Variants in LCP1 observed in about 807,000 individuals in gnomAD.
LCP1 encodes the protein plastin-2.
LCP1 carries 23 observed loss-of-function variants against 72.0 expected under a neutral mutation model. That is an observed-to-expected ratio of 0.32 (90% CI 0.23 to 0.45). LCP1 has a LOEUF of 0.45. Ranked by LOEUF, LCP1 falls within the 20% of genes least tolerant of loss-of-function variation. The pLI is 1.00. For missense variants in LCP1, 571 were observed against 748.3 expected (o/e 0.76, Z 2.76); for synonymous variants, 245 against 275.4 (o/e 0.89, Z 1.09).
At chr13:46,135,354 C>G (rs2045658672) in intron 13 of LCP1, among the ~76,000 whole-genome samples, 1 of 152,136 alleles carries the variant, frequency 6.6e-6, no homozygotes, top group Non-Finnish European at 1.5e-5. Flanking sequence ...AATCCTGTGA[C>G]TGAATCTCAT....
At position 46,148,673 on chromosome 13, in the gene LCP1, A is replaced by T. The variant is rs555146226; in HGVS notation, c.883-226T>A. On this transcript the variant is annotated intron_variant, in intron 8 of 15. Transcript: ENST00000323076. ...GGAGCGTAACAATAAAATAGACAAG[A>T]TATACACAAAAGGCACCCTAAAGAA... The T allele has an allele frequency of 2.7e-5, 13 of 488,440 alleles. No individual in the cohort carries two copies. The South Asian group carries it at 3.4e-4, about 13-fold the overall frequency. 30.3% of individuals were successfully genotyped at this position (488,440 alleles called of 1,614,324 possible). A position where few individuals can be genotyped will look rare whatever the true frequency, so the allele number is the denominator to read the frequency against.
At chr13:46,178,909 T>A (rs1230960936) in intron 1 of LCP1, among the ~76,000 whole-genome samples, 4 of 152,214 alleles carry the variant, frequency 2.6e-5, no homozygotes, top group Non-Finnish European at 5.9e-5. Flanking sequence ...AAGCTGATTT[T>A]AAAAGTTGCT....
rs1263121132 is a variant in LCP1 at position 46,146,889 on chromosome 13, G to C, written c.1174+19C>G. On this transcript the variant is annotated intron_variant, in intron 10 of 15. Transcript: ENST00000323076. ...TTGTGAGTGCCTTTCCCCATCTTAG[G>C]CAAATCGTTTACAGTTACCTTCAAG... 1 of 1,612,972 alleles carries C rather than the reference G, an allele frequency of 6.2e-7. No individual in the cohort carries two copies. Among genetic ancestry groups the C allele is most frequent in the African/African-American group, 1.3e-5 (1 of 74,840 alleles).
chr13:46,163,066 G>A (rs937863060), intron 1 of LCP1, among the ~76,000 whole-genome samples: 29 of 151,310 alleles, frequency 1.9e-4, no homozygotes, highest in African/African-American at 5.6e-4. Flanking sequence ...GGTGGGGGGC[G>A]CCTCTGCCCT....
In LCP1 at chr13:46,130,954, G is replaced by A. The variant is rs2045630441; in HGVS notation, c.1627-16C>T. ...TCTTCGGGTCCTATGCAGAGACACA[G>A]GGAGGGTTTCATCAACGTGTCCCAA... On this transcript the variant is annotated splice_polypyrimidine_tract_variant and intron_variant, in intron 14 of 15. Coordinates refer to ENST00000323076, the MANE Select transcript of LCP1 (RefSeq NM_002298.5). 1 of 1,568,360 alleles carries A rather than the reference G, an allele frequency of 6.4e-7. No individual in the cohort carries two copies. Among genetic ancestry groups the A allele is most frequent in the Non-Finnish European group, 8.6e-7 (1 of 1,162,898 alleles).
chr13:46,180,892 T>C (rs1414448335), intron 1 of LCP1, among the ~76,000 whole-genome samples: 1 of 152,246 alleles, frequency 6.6e-6, no homozygotes, highest in Non-Finnish European at 1.5e-5. Context: ...TATCTCAGTT[T>C]CACATTTTTG....
intron 1 of LCP1, among the ~76,000 whole-genome samples, chr13:46,174,185 G>C (rs1283543733): frequency 6.6e-6 from 1 of 152,074 alleles, no homozygotes; most frequent in Non-Finnish European, 1.5e-5. Flanking sequence ...TTCTCAATAG[G>C]CTTCTTGGAT....
intron 1 of LCP1, among the ~76,000 whole-genome samples, chr13:46,167,680 T>G (rs989029602): frequency 2.0e-5 from 3 of 151,962 alleles, no homozygotes; most frequent in African/African-American, 7.3e-5. Flanking sequence ...TTCAATAAAT[T>G]GAATATTATG....
At chr13:46,157,700 G>A (rs188405494) in intron 4 of LCP1, among the ~76,000 whole-genome samples, 23 of 142,488 alleles carry the variant, frequency 1.6e-4, no homozygotes, top group Admixed American at 1.1e-3. Flanking sequence ...AAGGCCAAAC[G>A]TTGTCTTAGC....
chr13:46,138,663 C>G (rs1450355091), intron 13 of LCP1, among the ~76,000 whole-genome samples: 1 of 152,002 alleles, frequency 6.6e-6, no homozygotes, highest in African/African-American at 2.4e-5. Context: ...TTGTTTTTTT[C>G]TGAGACAGAG....
At chr13:46,135,157 GAGA>G (rs1226768980) in intron 13 of LCP1, among the ~76,000 whole-genome samples, 5 of 150,464 alleles carry the variant, frequency 3.3e-5, no homozygotes, top group Admixed American at 2.0e-4. Flanking sequence ...CTCTGGAGCA[GAGA>G]AGAACCACCA....
At chr13:46,144,403 CTCTA>C in intron 11 of LCP1, 35 bp downstream of exon 11, 1 of 1,461,454 alleles carries the variant, frequency 6.8e-7, no homozygotes, top group Non-Finnish European at 9.6e-7. Context: ...CTTTTGAGGT[CTCTA>C]TCTTACATTA....
intron 2 of LCP1, 55 bp downstream of exon 2, chr13:46,159,544 G>GA: frequency 7.2e-7 from 1 of 1,398,522 alleles, no homozygotes; most frequent in Non-Finnish European, 1.0e-6. Flanking sequence ...AATCTACCCT[G>GA]AAGCTACTCA....
intron 1 of LCP1, among the ~76,000 whole-genome samples, chr13:46,180,291 C>T (rs537641827): frequency 7.9e-5 from 12 of 152,284 alleles, no homozygotes; most frequent in South Asian, 2.1e-4. Flanking sequence ...GCTTACACTA[C>T]GTGCTCATAA....
At chr13:46,171,387 T>A (rs530765512) in intron 1 of LCP1, among the ~76,000 whole-genome samples, 3 of 152,298 alleles carry the variant, frequency 2.0e-5, no homozygotes, top group African/African-American at 7.2e-5. Context: ...AAACACATAT[T>A]TCTGCAAGGT....
At position 46,127,319 on chromosome 13, in the gene LCP1, T is replaced by C; in HGVS notation, c.*272A>G. 2.8e-6 allele frequency: 1 copy of C among 355,508 alleles called. No individual in the cohort carries two copies. The highest frequency in any genetic ancestry group is 5.1e-6 in the Non-Finnish European group (1 of 196,770). The allele number at this position is 355,508 out of a possible 1,614,324, so 22.0% of individuals were successfully genotyped here. ...TAATGGCAAAAGCGAGAAGGGTACC[T>C]GGAAAATAACTTCTTTCTTTTCCTC... is the stretch of plus-strand genomic sequence containing the variant. On this transcript the variant is annotated 3_prime_UTR_variant, in exon 16 of 16. Coordinates refer to ENST00000323076, the MANE Select transcript of LCP1 (RefSeq NM_002298.5).
chr13:46,135,342 A>G (rs1328781521), intron 13 of LCP1, among the ~76,000 whole-genome samples: 1 of 152,122 alleles, frequency 6.6e-6, no homozygotes, highest in Non-Finnish European at 1.5e-5. Flanking sequence ...CTGAAACTCA[A>G]GAATCCTGTG....
intron 4 of LCP1, among the ~76,000 whole-genome samples, chr13:46,157,352 T>A (rs2045809274): frequency 6.6e-6 from 1 of 152,198 alleles, no homozygotes; most frequent in African/African-American, 2.4e-5. Context: ...AAATGTTGGA[T>A]CACTGTGGAC....
At chr13:46,158,756 G>T (rs1051342979) in intron 3 of LCP1, 70 bp downstream of exon 3, 1 of 1,600,726 alleles carries the variant, frequency 6.2e-7, no homozygotes, top group Non-Finnish European at 8.5e-7. Flanking sequence ...TGTCTTTCTG[G>T]ATATTTTTTA....
Sources: gnomAD v4.1 joint callset for allele counts (sites outside exome capture counted in the v4.1 genomes callset) on GRCh38, gnomAD v4.1.1 for gene constraint, MANE v1.5 for transcripts, NCBI Gene and HGNC (gene_info 2026-07-23, HGNC 2026-07-21) for gene names.